KLF12: variants seen among roughly 807,000 people sequenced by gnomAD.
KLF12 encodes the protein KLF transcription factor 12.
KLF12 carries 9 observed loss-of-function variants against 37.8 expected under a neutral mutation model. That is an observed-to-expected ratio of 0.24 (90% confidence interval 0.14 to 0.42). The LOEUF (loss-of-function observed/expected upper bound fraction) is 0.42, where lower values mean the gene tolerates loss of function less well. Among genes scored for constraint, KLF12 ranks in the 10% least tolerant of loss-of-function variants. KLF12 has a pLI of 1.00. For missense variants in KLF12, 411 were observed against 516.0 expected, an observed-to-expected ratio of 0.80 and a Z score of 1.97; for synonymous variants, 208 against 202.1, an observed-to-expected ratio of 1.03 and a Z score of -0.25.
chr13:74,223,856 A>G, the KLF12 span, among the ~76,000 whole-genome samples: 6 of 152,050 alleles, frequency 3.9e-5, no homozygotes, highest in East Asian at 9.6e-4. Flanking sequence ...ATCAGTCATC[A>G]TGTCTGTATT....
intron 3 of KLF12, among the ~76,000 whole-genome samples, chr13:73,919,286 A>G (rs1011751565): frequency 6.6e-6 from 1 of 152,194 alleles, no homozygotes; most frequent in Non-Finnish European, 1.5e-5. Flanking sequence ...CATAAGTTGA[A>G]TCAATGCCCT....
the KLF12 span, among the ~76,000 whole-genome samples, chr13:74,173,190 A>T: frequency 2.6e-4 from 40 of 152,320 alleles, 1 homozygote; most frequent in Non-Finnish European, 1.5e-5. Flanking sequence ...GACAATCATC[A>T]CTGGTCCATA....
chr13:73,959,004 G>A (rs1341882431), intron 2 of KLF12, among the ~76,000 whole-genome samples: 3 of 150,424 alleles, frequency 2.0e-5, no homozygotes, highest in South Asian at 2.1e-4. Flanking sequence ...CTTTATCCCC[G>A]AAGATCCAGA....
chr13:73,975,099 T>A (rs991728762), intron 2 of KLF12, among the ~76,000 whole-genome samples: 1 of 152,222 alleles, frequency 6.6e-6, no homozygotes, highest in African/African-American at 2.4e-5. Context: ...AAGATGTATG[T>A]TCATCTAAAA....
the KLF12 span, among the ~76,000 whole-genome samples, chr13:74,267,715 T>C: frequency 5.9e-5 from 9 of 152,136 alleles, no homozygotes; most frequent in African/African-American, 1.9e-4. Context: ...GTTAAAAATA[T>C]CTAGAAGAGA....
At chr13:73,807,603 A>C (rs913614895) in intron 5 of KLF12, among the ~76,000 whole-genome samples, 37 of 152,248 alleles carry the variant, frequency 2.4e-4, no homozygotes, top group African/African-American at 8.9e-4. Context: ...TCATAGGTGC[A>C]GTTATCAGGG....
At chr13:74,141,659 C>T in the KLF12 span, among the ~76,000 whole-genome samples, 13 of 152,276 alleles carry the variant, frequency 8.5e-5, no homozygotes, top group African/African-American at 3.1e-4. Context: ...AATACAGCTG[C>T]CCCTCCCTCT....
chr13:73,855,151 G>A lies in KLF12; in HGVS notation c.124-8778C>T, dbSNP rs949576665. Among the ~76,000 whole-genome samples the A allele has an allele frequency of 6.7e-4, 102 of 152,222 alleles. 2 individuals carry two copies. The highest frequency in any genetic ancestry group is 2.3e-3 in the African/African-American group (97 of 41,516). On this transcript the variant is annotated intron_variant, in intron 3 of 7. Transcript: ENST00000377669. Reference sequence around the variant, plus strand: ...GAGTATATGTGCTGGTTTGTTATATGGGTATATTATGTGACACTGAGATTT... The same window carrying A: ...GAGTATATGTGCTGGTTTGTTATATAGGTATATTATGTGACACTGAGATTT...
At chr13:73,809,846 G>A (rs1011150848) in intron 5 of KLF12, among the ~76,000 whole-genome samples, 9 of 152,078 alleles carry the variant, frequency 5.9e-5, no homozygotes, top group African/African-American at 2.2e-4. Flanking sequence ...ATCGTTTAAT[G>A]AAAACACTGA....
At chr13:73,710,168 A>G (rs962442351) in intron 7 of KLF12, among the ~76,000 whole-genome samples, 2 of 152,148 alleles carry the variant, frequency 1.3e-5, no homozygotes, top group Non-Finnish European at 2.9e-5. Context: ...TCATTAAGGG[A>G]CAGCTCCAAC....
At chr13:74,135,275 G>A (rs1471009254), upstream of KLF12, among the ~76,000 whole-genome samples, 10 of 151,942 alleles carry the variant, frequency 6.6e-5, no homozygotes, top group Non-Finnish European at 1.5e-4. Context: ...CAAACTTGGA[G>A]GACTGGGGCA....
chr13:73,959,628 T>C (rs546408360), intron 2 of KLF12, among the ~76,000 whole-genome samples: 1 of 151,884 alleles, frequency 6.6e-6, no homozygotes, highest in African/African-American at 2.4e-5. Context: ...ATATAGTACA[T>C]GTATATGGTA....
At chr13:73,868,526 G>A (rs1886304195) in intron 3 of KLF12, among the ~76,000 whole-genome samples, 2 of 151,856 alleles carry the variant, frequency 1.3e-5, no homozygotes, top group Admixed American at 1.3e-4. Flanking sequence ...GAGTAGCTGG[G>A]ACTACAGGTG....
chr13:73,787,072 T>C (rs1881399067), intron 5 of KLF12, among the ~76,000 whole-genome samples: 1 of 152,222 alleles, frequency 6.6e-6, no homozygotes, highest in African/African-American at 2.4e-5. Flanking sequence ...AGAGTACATG[T>C]TTTTCACTTA....
At chr13:74,121,100 AAC>A (rs1877609727) in intron 1 of KLF12, among the ~76,000 whole-genome samples, 1 of 152,160 alleles carries the variant, frequency 6.6e-6, no homozygotes, top group Non-Finnish European at 1.5e-5. Flanking sequence ...TCACTAAGAA[AAC>A]ACAACAATCC....
chr13:74,149,162 A>T, the KLF12 span, among the ~76,000 whole-genome samples: 1 of 152,178 alleles, frequency 6.6e-6, no homozygotes, highest in African/African-American at 2.4e-5. Context: ...TAGTGATCTC[A>T]ATCAGTCTTG....
At chr13:73,999,013 C>A (rs1892198234) in intron 1 of KLF12, among the ~76,000 whole-genome samples, 1 of 152,132 alleles carries the variant, frequency 6.6e-6, no homozygotes, top group South Asian at 2.1e-4. Context: ...CTTGGATTTC[C>A]ACTGGACACA....
intron 1 of KLF12, among the ~76,000 whole-genome samples, chr13:74,127,016 T>C (rs1209058667): frequency 6.6e-6 from 1 of 152,216 alleles, no homozygotes; most frequent in East Asian, 1.9e-4. Flanking sequence ...TGTTTGTTGT[T>C]ACTGTTGTTT....
Position 73,902,270 on chromosome 13 carries a change from T to C in KLF12, c.123+41711A>G, listed in dbSNP as rs1353811582. Among the ~76,000 whole-genome samples the C allele has an allele frequency of 3.3e-5, 5 of 152,182 alleles. No homozygotes were observed. In the East Asian group the frequency reaches 5.8e-4, roughly 18 times the overall value. The stretch of plus-strand genomic sequence containing the variant: ...AAACTGTACAGGAGAGTATAAAAAA[T>C]GTTTTAATGCTCAACTATTTTGAGG... On this transcript the variant is annotated intron_variant, in intron 3 of 7. Transcript: ENST00000377669.
Sources: allele counts gnomAD v4.1 joint callset (sites outside exome capture counted in the v4.1 genomes callset), GRCh38; gene constraint gnomAD v4.1.1; transcripts MANE v1.5; gene names NCBI Gene and HGNC (gene_info 2026-07-23, HGNC 2026-07-21).